The following CTNNA3 variants were observed in gnomAD, a reference collection of about 807,000 sequenced individuals.
CTNNA3 encodes the protein catenin alpha 3.
A neutral mutation model predicts 95.7 loss-of-function variants in CTNNA3; 76 were observed. The ratio of observed to expected loss-of-function variants is 0.79; its 90% confidence interval spans 0.66 to 0.96. The LOEUF is 0.96. Ranked by LOEUF, CTNNA3 falls within the 40% of genes least tolerant of loss-of-function variation. The pLI is 0.00. For synonymous variants in CTNNA3, 431 were observed against 374.4 expected (o/e 1.15, Z -1.74); for missense variants, 1,191 against 1,089.8 (o/e 1.09, Z -1.31).
intron 7 of CTNNA3, among the ~76,000 whole-genome samples, chr10:66,808,787 G>C (rs1038382504): frequency 2.0e-5 from 3 of 151,994 alleles, no homozygotes; most frequent in Admixed American, 6.6e-5. Context: ...CTCAGTGCTT[G>C]TGTTCCAATA....
At chr10:67,053,327 T>G (rs1004905926) in intron 7 of CTNNA3, among the ~76,000 whole-genome samples, 1 of 152,116 alleles carries the variant, frequency 6.6e-6, no homozygotes, top group Non-Finnish European at 1.5e-5. Flanking sequence ...ACTGGAAAAA[T>G]CTGATTCCAT....
At position 66,165,086 on chromosome 10, in the gene CTNNA3, T is replaced by C. The variant is rs542590825; in HGVS notation, c.1885-61837A>G. On this transcript the variant is annotated intron_variant, in intron 13 of 17. Coordinates refer to ENST00000433211, the MANE Select transcript of CTNNA3 (RefSeq NM_013266.4). The stretch of plus-strand genomic sequence containing the variant: ...TACACCATGGAGTACTATGAATCCA[T>C]AAAAAAGAATAACGTCGTGTACTTT... Among the ~76,000 whole-genome samples, 9 of 152,250 alleles carry C rather than the reference T, an allele frequency of 5.9e-5. No individual in the cohort carries two copies. The East Asian group carries it at 1.4e-3, about 23-fold the overall frequency.
chr10:66,042,478 T>C (rs1464253588), intron 15 of CTNNA3, among the ~76,000 whole-genome samples: 1 of 151,640 alleles, frequency 6.6e-6, no homozygotes, highest in Non-Finnish European at 1.5e-5. Context: ...GACTGAGAGA[T>C]GGAAGAAGCA....
Position 66,515,840 on chromosome 10 carries a change from G to T in CTNNA3, c.1531+4777C>A, listed in dbSNP as rs181034643. Among the ~76,000 whole-genome samples, 292 of 151,964 alleles carry T rather than the reference G, an allele frequency of 1.9e-3. 1 individual carries two copies. The highest frequency in any genetic ancestry group is 6.7e-3 in the African/African-American group (279 of 41,434). The stretch of plus-strand genomic sequence containing the variant: ...ACCCCTGTGATTCAATTATCTCTAC[G>T]GGGTCCCTCCCACAACAACATGTGG... On this transcript the variant is annotated intron_variant, in intron 11 of 17. Transcript: ENST00000433211.
Position 67,219,645 on chromosome 10 carries a change from G to C in CTNNA3, c.805C>G (p.Gln269Glu), listed in dbSNP as rs1434297913. The C allele has an allele frequency of 3.1e-6, 5 of 1,613,940 alleles. No individual in the cohort carries two copies. The highest frequency in any genetic ancestry group is 3.4e-6 in the Non-Finnish European group (4 of 1,179,974). ...IQNMTTPPEPQAATLGSALDE... is the reference protein window; with the variant it reads ...IQNMTTPPEPEAATLGSALDE... ...AGGGCACTTCCCAGGGTTGCTGCCTGAGGTTCTGGTGGGGTTGTCATATTC... is the reference window on the plus strand; with the variant it reads ...AGGGCACTTCCCAGGGTTGCTGCCTCAGGTTCTGGTGGGGTTGTCATATTC... The change falls in exon 6 of 18, where the codon CAG becomes GAG. Residue 269 changes from glutamine to glutamate, a missense_variant. Gln to Glu is a conservative substitution (Grantham distance 29). Coordinates refer to ENST00000433211, the MANE Select transcript of CTNNA3 (RefSeq NM_013266.4).
chr10:67,605,374 G>A (rs1190359284), intron 3 of CTNNA3, among the ~76,000 whole-genome samples: 1 of 152,198 alleles, frequency 6.6e-6, no homozygotes, highest in Non-Finnish European at 1.5e-5. Context: ...GGGGGCAGGA[G>A]TGAGGAAATG....
intron 5 of CTNNA3, among the ~76,000 whole-genome samples, chr10:67,238,226 A>G (rs34415444): frequency 3.3e-5 from 5 of 152,148 alleles, no homozygotes; most frequent in Non-Finnish European, 5.9e-5. Context: ...CCAGAAATAG[A>G]GATATGTGAA....
intron 11 of CTNNA3, among the ~76,000 whole-genome samples, chr10:66,400,676 T>C (rs2093013416): frequency 6.6e-6 from 1 of 152,158 alleles, no homozygotes; most frequent in Non-Finnish European, 1.5e-5. Flanking sequence ...CCTGCTATAA[T>C]ATAAACTTGT....
chr10:67,701,829 G>A (rs1273441513), intron 1 of CTNNA3, among the ~76,000 whole-genome samples: 2 of 151,852 alleles, frequency 1.3e-5, no homozygotes, highest in Non-Finnish European at 2.9e-5. Context: ...ACACAGACTG[G>A]CAAATTGGAT....
At chr10:67,203,711 C>A (rs1863751876) in intron 6 of CTNNA3, among the ~76,000 whole-genome samples, 1 of 152,190 alleles carries the variant, frequency 6.6e-6, no homozygotes. Context: ...ATAATCTACA[C>A]ATCATTACTG....
At chr10:67,600,229 T>C (rs985632957) in intron 3 of CTNNA3, among the ~76,000 whole-genome samples, 1 of 152,132 alleles carries the variant, frequency 6.6e-6, no homozygotes, top group African/African-American at 2.4e-5. Flanking sequence ...TAAAAATTTA[T>C]TCCCAGGTAG....
intron 1 of CTNNA3, among the ~76,000 whole-genome samples, chr10:67,717,086 T>C (rs907360792): frequency 8.5e-5 from 13 of 152,348 alleles, no homozygotes; most frequent in Admixed American, 3.9e-4. Context: ...TGATGAGCTT[T>C]TTTTCACATG....
chr10:66,020,888 T>C (rs967551417), intron 15 of CTNNA3, among the ~76,000 whole-genome samples: 1 of 152,050 alleles, frequency 6.6e-6, no homozygotes, highest in Admixed American at 6.5e-5. Context: ...TTAGCCAGGA[T>C]GGTCTCGATC....
intron 11 of CTNNA3, among the ~76,000 whole-genome samples, chr10:66,473,177 A>G (rs1839196163): frequency 6.6e-6 from 1 of 151,962 alleles, no homozygotes; most frequent in Admixed American, 6.6e-5. Context: ...TTATATGCTT[A>G]GGCTTTGTGT....
Position 66,159,697 on chromosome 10 carries a change from A to C in CTNNA3, c.1885-56448T>G, listed in dbSNP as rs1244519039. On this transcript the variant is annotated intron_variant, in intron 13 of 17. Coordinates refer to ENST00000433211, the MANE Select transcript of CTNNA3 (RefSeq NM_013266.4). ...AGCATGATGCTGGCTTCATAGAATG[A>C]ATTAGGGAGGATTCCTTCTTTCTCT... is the stretch of plus-strand genomic sequence containing the variant. Among the ~76,000 whole-genome samples, 17 of 145,458 alleles carry C rather than the reference A, an allele frequency of 1.2e-4. 1 individual carries two copies. The highest frequency in any genetic ancestry group is 1.1e-3 in the Admixed American group (16 of 14,304).
chr10:67,096,725 C>T (rs894524684), intron 7 of CTNNA3, among the ~76,000 whole-genome samples: 86 of 151,950 alleles, frequency 5.7e-4, no homozygotes, highest in African/African-American at 2.0e-3. Context: ...GTCATGCTTG[C>T]TTTTTCCCTC....
intron 1 of CTNNA3, among the ~76,000 whole-genome samples, chr10:67,670,874 CTT>C (rs2133549359): frequency 6.6e-6 from 1 of 152,186 alleles, no homozygotes; most frequent in Admixed American, 6.5e-5. Flanking sequence ...GAATATATAA[CTT>C]TATGTGTATG....
rs1482415916 is a variant in CTNNA3 at position 66,124,228 on chromosome 10, C to G, written c.1885-20979G>C. On this transcript the variant is annotated intron_variant, in intron 13 of 17. Coordinates refer to ENST00000433211, the MANE Select transcript of CTNNA3 (RefSeq NM_013266.4). ...CTGCCAGATACCCTAAATTATGTCT[C>G]TAAAGTTCAAAGTTCCACAAATCTC... Among the ~76,000 whole-genome samples the G allele has an allele frequency of 2.0e-5, 3 of 152,242 alleles. No homozygotes were observed. The East Asian group carries it at 5.8e-4, about 29-fold the overall frequency.
At chr10:66,485,882 A>G (rs1343152691) in intron 11 of CTNNA3, among the ~76,000 whole-genome samples, 2 of 152,294 alleles carry the variant, frequency 1.3e-5, no homozygotes, top group Non-Finnish European at 2.9e-5. Context: ...TGGTTGGCAT[A>G]AAAACACATG....
Sources: allele counts gnomAD v4.1 joint callset (sites outside exome capture counted in the v4.1 genomes callset), GRCh38; gene constraint gnomAD v4.1.1; transcripts MANE v1.5; gene names NCBI Gene and HGNC (gene_info 2026-07-23, HGNC 2026-07-21).